Variants in WDFY3 observed in about 807,000 individuals in gnomAD.
The protein encoded by WDFY3 is WD repeat and FYVE domain-containing protein 3.
WDFY3 carries 66 observed loss-of-function variants against 409.6 expected under a neutral mutation model. That is an observed-to-expected ratio of 0.16 (90% CI 0.13 to 0.20). WDFY3 has a LOEUF of 0.20. Among genes scored for constraint, WDFY3 ranks in the 10% least tolerant of loss-of-function variants. WDFY3 has a pLI of 1.00. For missense variants in WDFY3, 3,031 were observed against 4,298.1 expected (o/e 0.71, Z 8.24); for synonymous variants, 1,521 against 1,537.1 (o/e 0.99, Z 0.25).
chr4:84,797,944 T>C (rs1749798417), intron 18 of WDFY3, 52 bp downstream of exon 18: 4 of 1,448,862 alleles, frequency 2.8e-6, no homozygotes, highest in Admixed American at 1.9e-5. Flanking sequence ...ATTCATCCCC[T>C]ACATGATTTT....
Position 84,677,218 on chromosome 4 carries a change from C to G in WDFY3, c.10438G>C (p.Gly3480Arg). The G allele has an allele frequency of 6.2e-7, 1 of 1,614,156 alleles. No individual in the cohort carries two copies. The highest frequency in any genetic ancestry group is 1.1e-5 in the South Asian group (1 of 91,068). The change falls in exon 67 of 68, where the codon GGT (glycine) becomes CGT (arginine). Residue 3480 changes from glycine to arginine, a missense_variant. Transcript: ENST00000295888. ...TCTTACTTCTGGCAGAAGAGCTGAC[C>G]ACAGTTCCTGCAATGGTGTCGTCTT... ...TERRHHCRNC[G>R]QLFCQKCSRF...
chr4:84,816,521 T>C (rs1753324365), intron 13 of WDFY3, among the ~76,000 whole-genome samples: 1 of 152,150 alleles, frequency 6.6e-6, no homozygotes, highest in Non-Finnish European at 1.5e-5. Flanking sequence ...GATAAATGCA[T>C]ACAACAGTAC....
At chr4:84,757,934 G>A (rs756226621) in intron 32 of WDFY3, among the ~76,000 whole-genome samples, 2 of 152,204 alleles carry the variant, frequency 1.3e-5, no homozygotes, top group Non-Finnish European at 1.5e-5. Context: ...ATCCAAGCCC[G>A]TTGTGGCTGC....
chr4:84,734,972 C>T, intron 43 of WDFY3, 71 bp downstream of exon 43: 3 of 1,294,608 alleles, frequency 2.3e-6, no homozygotes, highest in Admixed American at 1.9e-5. Flanking sequence ...CAGAAAGATA[C>T]CAGGACAAAC....
In WDFY3 at chr4:84,821,568, A is replaced by C; in HGVS notation, c.1124-17T>G. ...CACTGTGACCTAGAACAGAAAAGAA[A>C]AACATAAAAGTAGGTACTATGTGAT... On this transcript the variant is annotated splice_polypyrimidine_tract_variant and intron_variant, in intron 10 of 67. Coordinates refer to ENST00000295888, the MANE Select transcript of WDFY3 (RefSeq NM_014991.6). 1 of 1,587,770 alleles carries C rather than the reference A, an allele frequency of 6.3e-7. No homozygotes were observed. The highest frequency in any genetic ancestry group is 8.6e-7 in the Non-Finnish European group (1 of 1,167,888).
chr4:84,726,886 T>G lies in WDFY3; in HGVS notation c.7247A>C (p.Glu2416Ala). Residue 2416 changes from glutamate (E) to alanine (A), a missense_variant, in exon 45 of 68, where the codon GAG (glutamate) becomes GCG (alanine). By Grantham distance (107) the Glu-to-Ala change is moderately radical. Coordinates refer to ENST00000295888, the MANE Select transcript of WDFY3 (RefSeq NM_014991.6). Reference sequence around the variant, plus strand: ...CTTTTGAGGAATATCATCGGGTGTCTCAGGCTGTTTACTTGGGATCTCAGA... The same window carrying G: ...CTTTTGAGGAATATCATCGGGTGTCGCAGGCTGTTTACTTGGGATCTCAGA... ...VASEIPSKQP[E>A]TPDDIPQKKP... 6.2e-7 allele frequency: 1 copy of G among 1,608,836 alleles called. No individual in the cohort carries two copies. The highest frequency in any genetic ancestry group is 8.5e-7 in the Non-Finnish European group (1 of 1,178,398).
At chr4:84,943,296 T>C (rs1772377086) in intron 1 of WDFY3, among the ~76,000 whole-genome samples, 1 of 151,984 alleles carries the variant, frequency 6.6e-6, no homozygotes, top group Admixed American at 6.6e-5. Context: ...GGTCAGGAGA[T>C]CGAGACCATC....
intron 58 of WDFY3, among the ~76,000 whole-genome samples, chr4:84,693,404 G>A (rs1729571975): frequency 6.6e-6 from 1 of 152,190 alleles, no homozygotes; most frequent in African/African-American, 2.4e-5. Context: ...AAGGCAGGCA[G>A]ACACTCTATC....
chr4:84,800,107 G>A (rs1460371194), intron 17 of WDFY3, among the ~76,000 whole-genome samples: 1 of 152,178 alleles, frequency 6.6e-6, no homozygotes, highest in Non-Finnish European at 1.5e-5. Context: ...AATGGATGAA[G>A]TGAGTAGGTC....
intron 48 of WDFY3, 143 bp downstream of exon 48, chr4:84,718,279 G>T: frequency 1.4e-6 from 1 of 726,926 alleles, no homozygotes; most frequent in Non-Finnish European, 2.1e-6. Context: ...TATCATCTTT[G>T]TGAATATGTA....
chr4:84,817,542 T>G lies in WDFY3; in HGVS notation c.1737A>C (p.Ile579=). ...GCTGCCGGCATTGAGGGTACTTTACTATATTATGTGCACATCTTGCACCTC... is the reference window on the plus strand; with the variant it reads ...GCTGCCGGCATTGAGGGTACTTTACGATATTATGTGCACATCTTGCACCTC... ...EFGGARCAHN[I]VKYPQCRQHA... is the part of the protein sequence containing the mutation. The change falls in exon 13 of 68, where the codon ATA becomes ATC. Residue 579 remains isoleucine, a synonymous_variant. Coordinates refer to ENST00000295888, the MANE Select transcript of WDFY3 (RefSeq NM_014991.6). 6.2e-7 allele frequency: 1 copy of G among 1,613,612 alleles called. No homozygotes were observed. Among genetic ancestry groups the G allele is most frequent in the South Asian group, 1.1e-5 (1 of 91,040 alleles).
chr4:84,691,759 C>T lies in WDFY3; in HGVS notation c.9076G>A (p.Val3026Ile), dbSNP rs777008947. Residue 3026 changes from valine (V) to isoleucine (I), a missense_variant, in exon 60 of 68, where the codon GTA (valine) becomes ATA (isoleucine). By Grantham distance (29) the Val-to-Ile change is conservative. Coordinates refer to ENST00000295888, the MANE Select transcript of WDFY3 (RefSeq NM_014991.6). The part of the protein sequence containing the change: ...KELKEPVGQI[V>I]CTDKGILAVE... ...GCAAGAATACCTTTATCTGTACATA[C>T]GATTTGTCCTACAGGTTCTTTGAGT... 34 of 1,613,316 alleles carry T rather than the reference C, an allele frequency of 2.1e-5. No homozygotes were observed. Among genetic ancestry groups the T allele is most frequent in the South Asian group, 7.7e-5 (7 of 91,004 alleles).
chr4:84,889,879 T>A (rs928872156), intron 3 of WDFY3, among the ~76,000 whole-genome samples: 1 of 151,962 alleles, frequency 6.6e-6, no homozygotes, highest in Admixed American at 6.6e-5. Context: ...AGAAAAAAAA[T>A]TAATCATTTC....
intron 67 of WDFY3, 124 bp from the exon 68 acceptor site, chr4:84,673,115 G>T: frequency 7.8e-7 from 1 of 1,284,224 alleles, no homozygotes; most frequent in Non-Finnish European, 1.1e-6. Context: ...GGTTTGTGTT[G>T]TGTGGCTGAA....
At position 84,693,038 on chromosome 4, in the gene WDFY3, A is replaced by G. The variant is rs1729512887; in HGVS notation, c.8902-6T>C. 2 of 1,609,516 alleles carry G rather than the reference A, an allele frequency of 1.2e-6. No homozygotes were observed. The highest frequency in any genetic ancestry group is 1.7e-6 in the Non-Finnish European group (2 of 1,179,016). Reference sequence around the variant, plus strand: ...GGATGAGGTTTTTTAAATAACTGGTATGAAAGAAGATGACTCACTTTATAA... The same window carrying G: ...GGATGAGGTTTTTTAAATAACTGGTGTGAAAGAAGATGACTCACTTTATAA... On this transcript the variant is annotated splice_region_variant and splice_polypyrimidine_tract_variant and intron_variant, in intron 58 of 67. Transcript: ENST00000295888.
At chr4:84,955,505 T>C (rs188091852) in intron 1 of WDFY3, among the ~76,000 whole-genome samples, 1 of 152,232 alleles carries the variant, frequency 6.6e-6, no homozygotes. Context: ...AGGACAAAAA[T>C]ACCAACATTC....
chr4:84,707,553 T>G (rs1432039382), intron 53 of WDFY3, among the ~76,000 whole-genome samples: 1 of 152,164 alleles, frequency 6.6e-6, no homozygotes, highest in African/African-American at 2.4e-5. Context: ...GAGAATGTGG[T>G]AGAGAACTGA....
intron 3 of WDFY3, among the ~76,000 whole-genome samples, chr4:84,881,120 C>T (rs1181289291): frequency 6.6e-6 from 1 of 151,978 alleles, no homozygotes; most frequent in East Asian, 1.9e-4. Context: ...TATTTAATAG[C>T]CTTGTTCAAG....
chr4:84,863,760 G>A (rs1228315865), intron 3 of WDFY3, among the ~76,000 whole-genome samples: 1 of 152,088 alleles, frequency 6.6e-6, no homozygotes, highest in East Asian at 1.9e-4. Flanking sequence ...TTCTGCATGA[G>A]GATATCCAGT....
Sources: gnomAD v4.1 joint callset for allele counts (sites outside exome capture counted in the v4.1 genomes callset) on GRCh38, gnomAD v4.1.1 for gene constraint, MANE v1.5 for transcripts, NCBI Gene and HGNC (gene_info 2026-07-23, HGNC 2026-07-21) for gene names.